USP34: variants seen among roughly 807,000 people sequenced by gnomAD.
The protein encoded by USP34 is ubiquitin carboxyl-terminal hydrolase 34.
A neutral mutation model predicts 460.3 loss-of-function variants in USP34; 70 were observed. That is an observed-to-expected ratio of 0.15 (90% CI 0.13 to 0.19). USP34 has a LOEUF of 0.19. Ranked by LOEUF, USP34 falls within the 10% of genes least tolerant of loss-of-function variation. The pLI, the probability that USP34 is intolerant of heterozygous loss-of-function variation, is 1.00. For missense variants in USP34, 3,985 were observed against 4,236.2 expected (o/e 0.94, Z 1.65); for synonymous variants, 1,647 against 1,405.3 (o/e 1.17, Z -3.85).
chr2:61,255,548 T>C (rs1313679640), intron 48 of USP34, among the ~76,000 whole-genome samples: 1 of 152,238 alleles, frequency 6.6e-6, no homozygotes. Context: ...TAACAGCATC[T>C]ATTGCAAAGA....
intron 50 of USP34, among the ~76,000 whole-genome samples, chr2:61,245,947 C>T (rs1050844800): frequency 2.0e-5 from 3 of 152,110 alleles, no homozygotes; most frequent in African/African-American, 7.2e-5. Context: ...GTGTGGTCCT[C>T]CCAATAGGAG....
chr2:61,273,810 C>T (rs139170374), intron 41 of USP34, among the ~76,000 whole-genome samples: 16 of 151,846 alleles, frequency 1.1e-4, no homozygotes, highest in African/African-American at 3.9e-4. Context: ...TAAGATGAAA[C>T]AGAAAGTCCA....
chr2:61,354,789 A>G (rs577370256), intron 10 of USP34, among the ~76,000 whole-genome samples: 34 of 152,316 alleles, frequency 2.2e-4, no homozygotes, highest in African/African-American at 8.2e-4. Flanking sequence ...GGAATTGAGG[A>G]AATGTGAGGC....
intron 41 of USP34, among the ~76,000 whole-genome samples, chr2:61,271,410 T>C (rs1013037211): frequency 1.3e-5 from 2 of 152,228 alleles, no homozygotes; most frequent in African/African-American, 4.8e-5. Flanking sequence ...TGAGCAGCCA[T>C]AATTTTAAGG....
intron 5 of USP34, among the ~76,000 whole-genome samples, chr2:61,387,883 G>A (rs1693212351): frequency 7.0e-6 from 1 of 143,390 alleles, no homozygotes; most frequent in Non-Finnish European, 1.5e-5. Flanking sequence ...ATACGCATAT[G>A]TAAAAATATA....
chr2:61,386,866 A>G (rs145253463), intron 5 of USP34, among the ~76,000 whole-genome samples: 294 of 152,354 alleles, frequency 1.9e-3, no homozygotes, highest in African/African-American at 6.8e-3. Flanking sequence ...ACCAAAAATG[A>G]AAACCTTAAC....
intron 43 of USP34, 60 bp downstream of exon 43, chr2:61,265,337 A>C: frequency 6.5e-7 from 1 of 1,530,750 alleles, no homozygotes; most frequent in South Asian, 1.3e-5. Flanking sequence ...ATAAAAATTT[A>C]TCAACAAAAT....
At chr2:61,422,595 A>T (rs1289068489) in intron 1 of USP34, among the ~76,000 whole-genome samples, 1 of 152,232 alleles carries the variant, frequency 6.6e-6, no homozygotes, top group Non-Finnish European at 1.5e-5. Flanking sequence ...CACAATTTCT[A>T]TTCAACACAG....
At chr2:61,297,211 A>G (rs545061801) in intron 29 of USP34, among the ~76,000 whole-genome samples, 9 of 152,368 alleles carry the variant, frequency 5.9e-5, no homozygotes, top group Non-Finnish European at 1.3e-4. Flanking sequence ...ATCTGTTTAA[A>G]GGCCAGAAAA....
At chr2:61,448,244 C>T (rs1695174975) in intron 1 of USP34, among the ~76,000 whole-genome samples, 1 of 152,212 alleles carries the variant, frequency 6.6e-6, no homozygotes, top group Non-Finnish European at 1.5e-5. Context: ...GCGGCCAAGG[C>T]AGGAGGACTG....
At chr2:61,236,296 A>G (rs761293519) in intron 54 of USP34, 29 bp downstream of exon 54, 8 of 1,593,316 alleles carry the variant, frequency 5.0e-6, no homozygotes, top group South Asian at 2.3e-5. Context: ...AATGTGTAAA[A>G]TATCTACTAT....
At chr2:61,375,768 C>CAAA (rs56304309) in intron 8 of USP34, among the ~76,000 whole-genome samples, 4 of 80,870 alleles carry the variant, frequency 4.9e-5, no homozygotes, top group South Asian at 4.7e-4. Context: ...GACTCTGTCT[C>CAAA]AAAAAAAAAA....
chr2:61,441,597 G>C (rs982535852), intron 1 of USP34, among the ~76,000 whole-genome samples: 4 of 152,006 alleles, frequency 2.6e-5, no homozygotes, highest in African/African-American at 9.6e-5. Flanking sequence ...GCCCAGCCTA[G>C]GGCTGCTCCT....
intron 3 of USP34, among the ~76,000 whole-genome samples, chr2:61,399,891 A>AAAAAAAAAAAAAT (rs1693659809): frequency 6.7e-6 from 1 of 149,578 alleles, no homozygotes; most frequent in Non-Finnish European, 1.5e-5. Flanking sequence ...AAAAAAAAAA[A>AAAAAAAAAAAAAT]GCTGTATTAA....
intron 67 of USP34, among the ~76,000 whole-genome samples, chr2:61,216,589 G>C (rs942291669): frequency 6.7e-6 from 1 of 149,846 alleles, no homozygotes; most frequent in African/African-American, 2.5e-5. Context: ...GACTGAGTGA[G>C]ACTCCATCTC....
chr2:61,221,020 AAAGTT>A (rs1338214496), intron 66 of USP34, among the ~76,000 whole-genome samples: 3 of 152,222 alleles, frequency 2.0e-5, no homozygotes, highest in Non-Finnish European at 4.4e-5. Context: ...CTACCACAGC[AAAGTT>A]GAGTAGTTTC....
chr2:61,361,971 TAATAAATAAATA>T (rs527600718), intron 10 of USP34, among the ~76,000 whole-genome samples: 48 of 151,096 alleles, frequency 3.2e-4, no homozygotes, highest in African/African-American at 1.1e-3. Context: ...AGCAAAAAAA[TAATAAATAAATA>T]AATAAATAAA....
intron 69 of USP34, among the ~76,000 whole-genome samples, chr2:61,210,418 T>C (rs1687241249): frequency 6.6e-6 from 1 of 152,232 alleles, no homozygotes; most frequent in Non-Finnish European, 1.5e-5. Context: ...GCTATACAGA[T>C]TTAGAGCCTA....
At position 61,406,025 on chromosome 2, in the gene USP34, C is replaced by T. The variant is rs1208258051; in HGVS notation, c.235G>A (p.Asp79Asn). ...LVIAQVQVLR[D>N]QLCKHCTTIN... ...GTAGTACAATGTTTACAAAGCTGGTCCCGGAGCACTTGAACTTGGGCAATC... is the reference window on the plus strand; with the variant it reads ...GTAGTACAATGTTTACAAAGCTGGTTCCGGAGCACTTGAACTTGGGCAATC... The change falls in exon 3 of 80, where the codon GAC (aspartate) becomes AAC (asparagine). Residue 79 changes from aspartate to asparagine, a missense_variant. This residue lies in a region of USP34 where 331 missense variants were observed against 293.7 expected (regional missense o/e 1.13). Transcript: ENST00000398571. 1.2e-6 allele frequency: 2 copies of T among 1,613,586 alleles called. No individual in the cohort carries two copies. Among genetic ancestry groups the T allele is most frequent in the Non-Finnish European group, 1.7e-6 (2 of 1,179,946 alleles).
Sources: allele counts gnomAD v4.1 joint callset (sites outside exome capture counted in the v4.1 genomes callset), GRCh38; gene constraint gnomAD v4.1.1; regional missense constraint gnomAD v4.1.1; transcripts MANE v1.5; gene names NCBI Gene and HGNC (gene_info 2026-07-23, HGNC 2026-07-21).